The following HORMAD1 variants were observed in gnomAD, a reference collection of about 807,000 sequenced individuals.
HORMAD1 encodes the protein HORMA domain containing 1, also known as HORMA domain-containing protein 1.
In HORMAD1, 33 loss-of-function variants were observed where a neutral mutation model predicts 58.2. That is an observed-to-expected ratio of 0.57 (90% confidence interval 0.43 to 0.76). The LOEUF (loss-of-function observed/expected upper bound fraction) is 0.76. HORMAD1 is among the 30% of genes least tolerant of loss of function. The pLI is 0.00. For missense variants in HORMAD1, 363 were observed against 462.0 expected (o/e 0.79, Z 1.96); for synonymous variants, 137 against 144.6 (o/e 0.95, Z 0.38).
intron 13 of HORMAD1, among the ~76,000 whole-genome samples, chr1:150,700,844 T>A (rs1651515844): frequency 6.6e-6 from 1 of 152,210 alleles, no homozygotes; most frequent in Non-Finnish European, 1.5e-5. Flanking sequence ...CCACATTTTT[T>A]AATCCATTCA....
intron 10 of HORMAD1, among the ~76,000 whole-genome samples, chr1:150,705,519 C>CT (rs1420969928): frequency 1.5e-5 from 2 of 134,290 alleles, no homozygotes; most frequent in Admixed American, 1.5e-4. Flanking sequence ...GAGTGAAACT[C>CT]TGTCTCAAAA....
chr1:150,703,963 A>G (rs1651609180), intron 12 of HORMAD1, among the ~76,000 whole-genome samples, 155 bp downstream of exon 12: 1 of 152,214 alleles, frequency 6.6e-6, no homozygotes, highest in Non-Finnish European at 1.5e-5. Context: ...ATTCATCAAC[A>G]TATAATTTCC....
At position 150,720,784 on chromosome 1, in the gene HORMAD1, TAC is replaced by T. The variant is rs1226868190; in HGVS notation, c.-34+18_-34+19del. 1 of 152,164 alleles carries T rather than the reference TAC, an allele frequency of 6.6e-6. No homozygotes were observed. Among genetic ancestry groups the T allele is most frequent in the Non-Finnish European group, 1.5e-5 (1 of 68,038 alleles). The allele number at this position is 152,164 out of a possible 1,614,324, so 9.4% of individuals were successfully genotyped here. A position where few individuals can be genotyped will look rare whatever the true frequency, so the allele number is the denominator to read the frequency against. ...ATATACGCACACACACACAGATATA[TAC>T]ACACTAATATATATTACATTACGTC... On this transcript the variant is annotated intron_variant, in intron 1 of 14. Transcript: ENST00000361824.
chr1:150,711,952 C>T (rs991542457), intron 5 of HORMAD1, 99 bp from the exon 6 acceptor site: 3 of 809,888 alleles, frequency 3.7e-6, no homozygotes, highest in East Asian at 2.7e-5. Context: ...ACATGTATTC[C>T]TAATAACAAA....
At chr1:150,717,807 G>A (rs1277063826) in intron 2 of HORMAD1, among the ~76,000 whole-genome samples, 1 of 152,070 alleles carries the variant, frequency 6.6e-6, no homozygotes, top group African/African-American at 2.4e-5. Flanking sequence ...GCAGGCACCT[G>A]TAAACCCAGC....
Position 150,714,652 on chromosome 1 carries a change from CT to C in HORMAD1, c.204del (p.Asp69IlefsTer10). On this transcript the variant is annotated frameshift_variant, in exon 4 of 15. Coordinates refer to ENST00000361824, the MANE Select transcript of HORMAD1 (RefSeq NM_032132.5). LOFTEE classifies it high-confidence loss of function. ...LDDLCVKILR[E>X]DKNCPGSTQL... ...TGTGTAGATCCTGGGCAATTTTTAT[CT>C]TCTCTCAGTATTTTGACACAAAGAT... is the stretch of plus-strand genomic sequence containing the variant. 1 of 1,391,564 alleles carries C rather than the reference CT, an allele frequency of 7.2e-7. No individual in the cohort carries two copies. Among genetic ancestry groups the C allele is most frequent in the South Asian group, 1.6e-5 (1 of 63,824 alleles). The allele number at this position is 1,391,564 out of a possible 1,614,324, so 86.2% of individuals were successfully genotyped here.
In HORMAD1 at chr1:150,711,567, TA is replaced by T; in HGVS notation, c.304del (p.Tyr102ThrfsTer30). ...TACCTGAGGATCTTCTGGGTTTGTG[TA>T]TACCTATTTAAAAACAATTTACAAT... ...KYLRMVVLAV[Y>X]TNPEDPQTIS... is the part of the protein sequence containing the mutation. On this transcript the variant is annotated frameshift_variant, in exon 7 of 15. Transcript: ENST00000361824. LOFTEE classifies it high-confidence loss of function. 6.2e-7 allele frequency: 1 copy of T among 1,601,062 alleles called. No individual in the cohort carries two copies. The highest frequency in any genetic ancestry group is 8.6e-7 in the Non-Finnish European group (1 of 1,168,602).
At chr1:150,713,977 C>T (rs928549814) in intron 5 of HORMAD1, 108 bp downstream of exon 5, 1 of 741,584 alleles carries the variant, frequency 1.3e-6, no homozygotes, top group South Asian at 1.6e-5. Context: ...TTCAGACTGA[C>T]CTACACTCAA....
chr1:150,709,933 T>C (rs1349493114), intron 7 of HORMAD1, among the ~76,000 whole-genome samples: 1 of 152,190 alleles, frequency 6.6e-6, no homozygotes, highest in East Asian at 1.9e-4. Context: ...AATTATGACA[T>C]AGATTCTATT....
Position 150,706,597 on chromosome 1 carries a change from G to A in HORMAD1, c.760C>T (p.Leu254=). The change falls in exon 10 of 15, where the codon CTG becomes TTG. Residue 254 remains leucine, a synonymous_variant. Coordinates refer to ENST00000361824, the MANE Select transcript of HORMAD1 (RefSeq NM_032132.5). ...TCATCTTCTACATCTTTGTCCCTCAGGATTTTTTGAAATGGTGTTTTTATT... is the reference window on the plus strand; with the variant it reads ...TCATCTTCTACATCTTTGTCCCTCAAGATTTTTTGAAATGGTGTTTTTATT... ...KQIKTPFQKI[L]RDKDVEDEQE... 1 of 1,611,158 alleles carries A rather than the reference G, an allele frequency of 6.2e-7. No individual in the cohort carries two copies. Among genetic ancestry groups the A allele is most frequent in the Non-Finnish European group, 8.5e-7 (1 of 1,178,232 alleles).
intron 5 of HORMAD1, among the ~76,000 whole-genome samples, chr1:150,713,456 A>C (rs757177605): frequency 1.3e-5 from 2 of 152,070 alleles, no homozygotes; most frequent in Non-Finnish European, 2.9e-5. Flanking sequence ...GAATGGCGTG[A>C]ACCTGGGAGG....
intron 5 of HORMAD1, among the ~76,000 whole-genome samples, chr1:150,712,490 C>T (rs982337499): frequency 1.4e-4 from 21 of 152,156 alleles, no homozygotes; most frequent in Non-Finnish European, 5.9e-5. Context: ...TGCTATTCTC[C>T]TTACTCCCAA....
intron 4 of HORMAD1, 34 bp downstream of exon 4, chr1:150,714,581 A>C (rs956193108): frequency 1.7e-6 from 2 of 1,203,048 alleles, no homozygotes; most frequent in Non-Finnish European, 2.3e-6. Context: ...TGAGAAAAAA[A>C]TAATTTTCTC....
intron 14 of HORMAD1, 138 bp from the exon 15 acceptor site, chr1:150,698,872 G>C: frequency 1.9e-6 from 1 of 512,890 alleles, no homozygotes. Flanking sequence ...ACTATATCTG[G>C]GTTTCTTAAA....
At chr1:150,714,848 T>C (rs1225698197) in intron 3 of HORMAD1, among the ~76,000 whole-genome samples, 170 bp from the exon 4 acceptor site, 1 of 152,118 alleles carries the variant, frequency 6.6e-6, no homozygotes, top group African/African-American at 2.4e-5. Context: ...TGCGGTGACA[T>C]GATCTCGGCT....
chr1:150,710,947 C>T (rs11807409), intron 7 of HORMAD1, among the ~76,000 whole-genome samples: 58,559 of 152,008 alleles, frequency 0.39, 11,602 homozygotes, highest in South Asian at 0.55. Context: ...ACCCCTTGTA[C>T]TTAGATTTCC....
At chr1:150,703,279 C>T in intron 13 of HORMAD1, 31 bp downstream of exon 13, 2 of 1,144,490 alleles carry the variant, frequency 1.7e-6, no homozygotes, top group Non-Finnish European at 1.3e-6. Context: ...TACAAGGTTA[C>T]AATGGAAAAC....
Position 150,711,502 on chromosome 1 carries a change from T to C in HORMAD1, c.327+43A>G, listed in dbSNP as rs116715283. On this transcript the variant is annotated intron_variant, in intron 7 of 14. Coordinates refer to ENST00000361824, the MANE Select transcript of HORMAD1 (RefSeq NM_032132.5). ...TATTATGTTTCGTGTTATTTTTAGATATTAGAGGCATTATGTTTCTTTAGT... is the reference window on the plus strand; with the variant it reads ...TATTATGTTTCGTGTTATTTTTAGACATTAGAGGCATTATGTTTCTTTAGT... 2,278 of 1,362,020 alleles carry C rather than the reference T, an allele frequency of 1.7e-3. 31 individuals are homozygous for C. The African/African-American group carries it at 0.03, about 18-fold the overall frequency. The allele number at this position is 1,362,020 out of a possible 1,614,324, so 84.4% of individuals were successfully genotyped here.
chr1:150,701,389 T>C (rs1488093214), intron 13 of HORMAD1, among the ~76,000 whole-genome samples: 1 of 152,140 alleles, frequency 6.6e-6, no homozygotes, highest in African/African-American at 2.4e-5. Context: ...TAACTTCCCA[T>C]TGAGAATAGG....
Sources: allele counts gnomAD v4.1 joint callset (sites outside exome capture counted in the v4.1 genomes callset), GRCh38; gene constraint gnomAD v4.1.1; transcripts MANE v1.5; gene names NCBI Gene and HGNC (gene_info 2026-07-23, HGNC 2026-07-21).